The following BRINP2 variants were observed in gnomAD, a reference collection of about 807,000 sequenced individuals.
BRINP2 encodes the protein BMP/retinoic acid-inducible neural-specific protein 2.
Under a neutral mutation model 69.2 loss-of-function variants are expected in BRINP2, and 21 were observed. The ratio of observed to expected loss-of-function variants is 0.30; its 90% CI spans 0.22 to 0.44. The LOEUF (loss-of-function observed/expected upper bound fraction) is 0.44, where lower values mean the gene tolerates loss of function less well. Among genes scored for constraint, BRINP2 ranks in the 20% least tolerant of loss-of-function variants. The probability of loss-of-function intolerance (pLI) is 1.00; values close to 1 mark genes in which losing one functional copy is unlikely to be tolerated. For synonymous variants in BRINP2, 380 were observed against 394.1 expected (o/e 0.96, Z 0.42); for missense variants, 877 against 986.0 (o/e 0.89, Z 1.48).
At chr1:177,194,101 A>G (rs1648670725) in intron 1 of BRINP2, among the ~76,000 whole-genome samples, 1 of 152,212 alleles carries the variant, frequency 6.6e-6, no homozygotes, top group Non-Finnish European at 1.5e-5. Context: ...TAATATATCT[A>G]TGAGATGTTT....
Position 177,255,935 on chromosome 1 carries a change from A to G in BRINP2, c.286A>G (p.Lys96Glu). Reference protein sequence around the residue: ...YRIYREFARWKVNNLALERKD... With the variant: ...YRIYREFARWEVNNLALERKD... ...TTCCCCCAGGGAGTTTGCCCGTTGG[A>G]AGGTGAACAACTTGGCTCTGGAAAG... is the stretch of plus-strand genomic sequence containing the variant. The change falls in exon 3 of 8, where the codon AAG becomes GAG. Residue 96 changes from lysine to glutamate, a missense_variant. Lys to Glu is a moderately conservative substitution (Grantham distance 56). This residue lies in a region of BRINP2 where 566 missense variants were observed against 625.2 expected (regional missense o/e 0.91). Coordinates refer to ENST00000361539, the MANE Select transcript of BRINP2 (RefSeq NM_021165.4). The G allele has an allele frequency of 6.2e-7, 1 of 1,614,160 alleles. No individual in the cohort carries two copies. The highest frequency in any genetic ancestry group is 8.5e-7 in the Non-Finnish European group (1 of 1,180,006).
intron 1 of BRINP2, 84 bp from the exon 2 acceptor site, chr1:177,229,717 G>C (rs1188864655): frequency 9.3e-6 from 9 of 966,304 alleles, no homozygotes; most frequent in Non-Finnish European, 1.3e-5. Context: ...TTTCCGGAAT[G>C]GGCCCAACCC....
chr1:177,249,672 T>C (rs1205704930), intron 2 of BRINP2, among the ~76,000 whole-genome samples: 1 of 152,192 alleles, frequency 6.6e-6, no homozygotes, highest in African/African-American at 2.4e-5. Context: ...AACATCCTTT[T>C]CTTAGTTTAA....
intron 1 of BRINP2, among the ~76,000 whole-genome samples, chr1:177,190,186 C>T (rs1265883444): frequency 2.0e-5 from 3 of 152,184 alleles, no homozygotes; most frequent in Non-Finnish European, 2.9e-5. Flanking sequence ...TCATACGGGG[C>T]AACCCTCCAT....
At chr1:177,233,424 T>G (rs1649922644) in intron 2 of BRINP2, among the ~76,000 whole-genome samples, 1 of 152,234 alleles carries the variant, frequency 6.6e-6, no homozygotes, top group African/African-American at 2.4e-5. Context: ...GTATTTGATG[T>G]AGGCACTTAG....
At chr1:177,270,708 A>T (rs1325366478) in intron 4 of BRINP2, among the ~76,000 whole-genome samples, 1 of 152,102 alleles carries the variant, frequency 6.6e-6, no homozygotes, top group African/African-American at 2.4e-5. Context: ...GCCAGTGAAA[A>T]ACCCAATGAC....
At chr1:177,278,890 C>A (rs1213757502) in intron 7 of BRINP2, 105 bp downstream of exon 7, 5 of 1,089,794 alleles carry the variant, frequency 4.6e-6, no homozygotes, top group Non-Finnish European at 5.4e-6. Context: ...GGAGTGGTGA[C>A]TCACACATAG....
At chr1:177,226,072 G>A (rs569151081) in intron 1 of BRINP2, among the ~76,000 whole-genome samples, 16 of 152,294 alleles carry the variant, frequency 1.1e-4, no homozygotes, top group Admixed American at 5.9e-4. Context: ...AGAAGCACCC[G>A]TTGACTTAAT....
chr1:177,192,142 A>G (rs561056642), intron 1 of BRINP2, among the ~76,000 whole-genome samples: 2 of 152,332 alleles, frequency 1.3e-5, no homozygotes, highest in Admixed American at 1.3e-4. Flanking sequence ...TTGCTCTGCT[A>G]TGAGCAGACA....
At chr1:177,181,308 C>T (rs545743744) in intron 1 of BRINP2, among the ~76,000 whole-genome samples, 1 of 152,210 alleles carries the variant, frequency 6.6e-6, no homozygotes, top group African/African-American at 2.4e-5. Context: ...CTTCTGTTTT[C>T]ATTAGGGTAC....
chr1:177,175,423 G>A (rs1415602566), intron 1 of BRINP2, among the ~76,000 whole-genome samples: 6 of 152,166 alleles, frequency 3.9e-5, no homozygotes, highest in African/African-American at 1.4e-4. Context: ...AGAGAGCTGT[G>A]ACCAGCCAGC....
chr1:177,223,355 C>T (rs575624903), intron 1 of BRINP2, among the ~76,000 whole-genome samples: 10 of 152,280 alleles, frequency 6.6e-5, no homozygotes, highest in African/African-American at 2.4e-4. Context: ...GTTTTTGTGT[C>T]TGTGTACCTT....
In BRINP2 at chr1:177,230,065, C is replaced by T. The variant is rs767825106; in HGVS notation, c.189C>T (p.Gly63=). Residue 63 remains glycine (G), a synonymous_variant, in exon 2 of 8, where the codon GGC becomes GGT. Coordinates refer to ENST00000361539, the MANE Select transcript of BRINP2 (RefSeq NM_021165.4). ...HPLDWLLTDR[G]PFHRAQEYAD... is the part of the protein sequence containing the mutation. ...TGGACTGGCTGCTCACAGACCGGGG[C>T]CCCTTCCACCGCGCTCAGGAGTATG... is the stretch of plus-strand genomic sequence containing the variant. 4 of 1,613,692 alleles carry T rather than the reference C, an allele frequency of 2.5e-6. No homozygotes were observed. The Admixed American group carries it at 6.7e-5, about 27-fold the overall frequency.
chr1:177,186,520 T>C (rs1571885935), intron 1 of BRINP2, among the ~76,000 whole-genome samples: 1 of 152,114 alleles, frequency 6.6e-6, no homozygotes, highest in Non-Finnish European at 1.5e-5. Context: ...TCTCTTGTGC[T>C]CTTAGGTCCT....
At chr1:177,257,015 TGAGCTTCTTCTAAA>T in intron 3 of BRINP2, 147 bp from the exon 4 acceptor site, 1 of 1,530,212 alleles carries the variant, frequency 6.5e-7, no homozygotes, top group South Asian at 1.2e-5. Flanking sequence ...CTCCCTCTGA[TGAGCTTCTTCTAAA>T]GATGGTAAGG....
chr1:177,182,659 T>G (rs928689439), intron 1 of BRINP2, among the ~76,000 whole-genome samples: 2 of 152,188 alleles, frequency 1.3e-5, no homozygotes, highest in African/African-American at 4.8e-5. Context: ...TCGATGGTTT[T>G]TTTTTGCTCT....
At chr1:177,263,991 A>G (rs1408229829) in intron 4 of BRINP2, among the ~76,000 whole-genome samples, 1 of 152,178 alleles carries the variant, frequency 6.6e-6, no homozygotes, top group Non-Finnish European at 1.5e-5. Context: ...TATGGCCATG[A>G]GTCTCAAGCT....
Position 177,255,971 on chromosome 1 carries a change from T to C in BRINP2, c.322T>C (p.Phe108Leu). 1 of 1,614,234 alleles carries C rather than the reference T, an allele frequency of 6.2e-7. No homozygotes were observed. Among genetic ancestry groups the C allele is most frequent in the Non-Finnish European group, 8.5e-7 (1 of 1,180,038 alleles). ...CTTGGCTCTGGAAAGGAAGGACTTC[T>C]TCAGTTTGCCATTGCCTCTTGCCCC... ...NNLALERKDF[F>L]SLPLPLAPEF... Residue 108 changes from phenylalanine (F) to leucine (L), a missense_variant, in exon 3 of 8, where the codon TTC (phenylalanine) becomes CTC (leucine). Transcript: ENST00000361539.
At chr1:177,222,508 C>G (rs575033993) in intron 1 of BRINP2, among the ~76,000 whole-genome samples, 1 of 152,126 alleles carries the variant, frequency 6.6e-6, no homozygotes, top group East Asian at 1.9e-4. Flanking sequence ...GACAGGGTTT[C>G]ACCAGGTTGG....
Sources: allele counts gnomAD v4.1 joint callset (sites outside exome capture counted in the v4.1 genomes callset), GRCh38; gene constraint gnomAD v4.1.1; regional missense constraint gnomAD v4.1.1; transcripts MANE v1.5; gene names NCBI Gene and HGNC (gene_info 2026-07-23, HGNC 2026-07-21).